The following CSMD1 variants were observed in gnomAD, a reference collection of about 807,000 sequenced individuals.
CSMD1 encodes the protein CUB and sushi domain-containing protein 1.
CSMD1 carries 213 observed loss-of-function variants against 417.5 expected under a neutral mutation model. The observed-to-expected ratio is 0.51, with a 90% CI of 0.46 to 0.57. The LOEUF (loss-of-function observed/expected upper bound fraction) is 0.57. CSMD1 is among the 20% of genes least tolerant of loss of function. CSMD1 has a pLI of 0.00. For missense variants in CSMD1, 6,923 were observed against 4,529.7 expected (o/e 1.53, Z -15.17); for synonymous variants, 2,862 against 1,736.8 (o/e 1.65, Z -16.11).
In CSMD1 at chr8:4,764,130, G is replaced by A. The variant is rs934785403; in HGVS notation, c.86-126572C>T. On this transcript the variant is annotated intron_variant, in intron 1 of 69. Transcript: ENST00000635120. ...GGTAATCTACTTTATATGAGATTTC[G>A]CATTATTCTTGTTTTTCTTGCTTTC... Among the ~76,000 whole-genome samples the A allele has an allele frequency of 5.3e-5, 8 of 152,174 alleles. No individual in the cohort carries two copies. The East Asian group carries it at 7.7e-4, about 15-fold the overall frequency.
Position 4,754,828 on chromosome 8 carries a change from G to A in CSMD1, c.86-117270C>T, listed in dbSNP as rs139216043. ...CGCACCACTGCACTCCAGCCTGGGT[G>A]ACGGAGCAAGACTTAAAAAAACAAA... On this transcript the variant is annotated intron_variant, in intron 1 of 69. Transcript: ENST00000635120. Among the ~76,000 whole-genome samples the A allele has an allele frequency of 3.5e-3, 530 of 150,576 alleles. 2 individuals are homozygous for A. Among genetic ancestry groups the A allele is most frequent in the African/African-American group, 0.012 (508 of 40,912 alleles).
At chr8:4,760,337 G>C (rs897421031) in intron 1 of CSMD1, among the ~76,000 whole-genome samples, 1 of 152,140 alleles carries the variant, frequency 6.6e-6, no homozygotes, top group African/African-American at 2.4e-5. Flanking sequence ...TGGTTTCCTA[G>C]TGAAATCAAC....
chr8:2,973,192 G>A lies in CSMD1; in HGVS notation c.8848C>T (p.His2950Tyr). Residue 2950 changes from histidine (H) to tyrosine (Y), a missense_variant, in exon 57 of 70, where the codon CAC becomes TAC. Coordinates refer to ENST00000635120, the MANE Select transcript of CSMD1 (RefSeq NM_033225.6). ...SLLRFSCEMG[H>Y]QLRGSPERTC... The stretch of plus-strand genomic sequence containing the variant: ...CGTTCAGGGGAGCCCCTCAGCTGGT[G>A]CCCCATTTCACAGGAGAAGCGGAGA... 2 of 1,613,818 alleles carry A rather than the reference G, an allele frequency of 1.2e-6. No individual in the cohort carries two copies. The highest frequency in any genetic ancestry group is 1.7e-6 in the Non-Finnish European group (2 of 1,179,788).
intron 3 of CSMD1, among the ~76,000 whole-genome samples, chr8:4,380,274 G>A (rs1027279902): frequency 6.6e-6 from 1 of 152,128 alleles, no homozygotes; most frequent in South Asian, 2.1e-4. Flanking sequence ...CCTCTGCCAG[G>A]TGACTAAGGT....
intron 5 of CSMD1, among the ~76,000 whole-genome samples, chr8:3,794,232 G>A (rs566712586): frequency 1.3e-5 from 2 of 152,276 alleles, no homozygotes; most frequent in East Asian, 1.9e-4. Context: ...GGACAATCCT[G>A]TTCTACGCAG....
chr8:4,850,382 CTTTTT>C, intron 1 of CSMD1, among the ~76,000 whole-genome samples: 2 of 77,826 alleles, frequency 2.6e-5, no homozygotes, highest in African/African-American at 5.2e-5. Context: ...TCCAATTTAT[CTTTTT>C]TTTTTTTTTT....
chr8:4,957,882 G>A (rs1033039885), intron 1 of CSMD1, among the ~76,000 whole-genome samples: 2 of 152,186 alleles, frequency 1.3e-5, no homozygotes, highest in Non-Finnish European at 2.9e-5. Flanking sequence ...CAATATGGAA[G>A]TGTGGATTGA....
intron 2 of CSMD1, among the ~76,000 whole-genome samples, chr8:4,575,909 C>G (rs561989699): frequency 1.3e-5 from 2 of 152,142 alleles, no homozygotes; most frequent in Non-Finnish European, 1.5e-5. Flanking sequence ...CTGTTGTGAT[C>G]GTTCCAGTGT....
rs187422363 is a variant in CSMD1, at chr8:4,157,669, G to C, written c.416-125570C>G. On this transcript the variant is annotated intron_variant, in intron 3 of 69. Coordinates refer to ENST00000635120, the MANE Select transcript of CSMD1 (RefSeq NM_033225.6). ...CCTCTGTTATCTGGGCATGGGGTGA[G>C]GGCATCCCCTCACGCCCAACCGGCC... Among the ~76,000 whole-genome samples, 75 of 152,276 alleles carry C rather than the reference G, an allele frequency of 4.9e-4. 1 individual carries two copies. The highest frequency in any genetic ancestry group is 2.9e-4 in the Non-Finnish European group (20 of 68,024).
At chr8:4,770,879 G>C (rs6982675) in intron 1 of CSMD1, among the ~76,000 whole-genome samples, 151,913 of 152,278 alleles carry the variant, frequency 1, 75,774 homozygotes, top group Middle Eastern at 1. Context: ...GGAAATGCTC[G>C]TTAACATTGG....
intron 52 of CSMD1, among the ~76,000 whole-genome samples, chr8:3,010,348 T>A (rs1808288477): frequency 6.6e-6 from 1 of 152,218 alleles, no homozygotes; most frequent in African/African-American, 2.4e-5. Flanking sequence ...GAGTTCTGAG[T>A]GCAGCACCAT....
chr8:3,980,472 C>T (rs1483783429), intron 5 of CSMD1, among the ~76,000 whole-genome samples: 1 of 151,894 alleles, frequency 6.6e-6, no homozygotes, highest in Non-Finnish European at 1.5e-5. Context: ...TTTTTTTTGC[C>T]AAACTTCCTC....
intron 6 of CSMD1, among the ~76,000 whole-genome samples, chr8:3,712,374 AGG>A (rs1491413083): frequency 3.1e-5 from 3 of 97,638 alleles, no homozygotes; most frequent in East Asian, 3.4e-4. Flanking sequence ...GCAAAGAAAC[AGG>A]AGAGAGAGAG....
chr8:3,911,580 C>G (rs1193923660), intron 5 of CSMD1, among the ~76,000 whole-genome samples: 1 of 151,612 alleles, frequency 6.6e-6, no homozygotes, highest in African/African-American at 2.4e-5. Context: ...TATATAACAC[C>G]AGCTGGTCTT....
intron 2 of CSMD1, among the ~76,000 whole-genome samples, chr8:4,611,564 A>T (rs752178256): frequency 9.9e-5 from 15 of 152,116 alleles, no homozygotes; most frequent in Non-Finnish European, 8.8e-5. Context: ...GCCTTCCCAG[A>T]AGTGTTTACA....
chr8:4,687,251 C>T (rs1449946143), intron 1 of CSMD1, among the ~76,000 whole-genome samples: 1 of 152,156 alleles, frequency 6.6e-6, no homozygotes, highest in African/African-American at 2.4e-5. Context: ...CCACAGGATG[C>T]TGGCACTATC....
intron 3 of CSMD1, among the ~76,000 whole-genome samples, chr8:4,197,373 C>A (rs1035073017): frequency 6.6e-6 from 1 of 152,116 alleles, no homozygotes; most frequent in Non-Finnish European, 1.5e-5. Context: ...GTGGGTGTGT[C>A]TGTGGTGGTG....
intron 1 of CSMD1, among the ~76,000 whole-genome samples, chr8:4,902,331 G>A (rs544785661): frequency 3.3e-5 from 5 of 151,560 alleles, no homozygotes; most frequent in Admixed American, 3.3e-4. Flanking sequence ...CAGCCACTCA[G>A]GAGACTGAGG....
intron 5 of CSMD1, among the ~76,000 whole-genome samples, chr8:3,849,502 G>C (rs1803737924): frequency 6.6e-6 from 1 of 152,178 alleles, no homozygotes; most frequent in South Asian, 2.1e-4. Context: ...AAATAAATGA[G>C]TAAATGAGTA....
Sources: gnomAD v4.1 joint callset for allele counts (sites outside exome capture counted in the v4.1 genomes callset) on GRCh38, gnomAD v4.1.1 for gene constraint, MANE v1.5 for transcripts, NCBI Gene and HGNC (gene_info 2026-07-23, HGNC 2026-07-21) for gene names.